STK31: variants seen among roughly 807,000 people sequenced by gnomAD.
The protein encoded by STK31 is serine/threonine kinase 31.
In STK31, 89 loss-of-function variants were observed where a neutral mutation model predicts 129.7. The observed-to-expected ratio is 0.69, with a 90% confidence interval of 0.58 to 0.82. The LOEUF is 0.82. Among genes scored for constraint, STK31 ranks in the 40% least tolerant of loss-of-function variants. STK31 has a pLI of 0.00. For missense variants in STK31, 1,187 were observed against 1,176.4 expected (o/e 1.01, Z -0.13); for synonymous variants, 448 against 395.3 (o/e 1.13, Z -1.58).
At chr7:23,819,035 A>G (rs1167187553) in intron 23 of STK31, among the ~76,000 whole-genome samples, 1 of 152,146 alleles carries the variant, frequency 6.6e-6, no homozygotes, top group African/African-American at 2.4e-5. Context: ...TTTTTATTGG[A>G]TTAATATAAA....
chr7:23,717,479 A>C lies in STK31; in HGVS notation c.151-2A>C. The C allele has an allele frequency of 1.3e-6, 2 of 1,592,260 alleles. No homozygotes were observed. The highest frequency in any genetic ancestry group is 2.2e-5 in the South Asian group (2 of 90,030). On this transcript the variant is annotated splice_acceptor_variant, in intron 3 of 23. Transcript: ENST00000355870. LOFTEE classifies it high-confidence loss of function. ...ATCTTATACTATATCTAATCTTTCT[A>C]GAGTATCAATAGAAATAAGGATATC...
chr7:23,797,011 G>C (rs10226714), intron 22 of STK31, among the ~76,000 whole-genome samples: 77,619 of 151,472 alleles, frequency 0.51, 20,116 homozygotes, highest in East Asian at 0.62. Flanking sequence ...TCAAGAAAGT[G>C]TAAGAAGGGC....
intron 22 of STK31, chr7:23,791,381 C>A: frequency 2.5e-6 from 2 of 792,470 alleles, no homozygotes; most frequent in Non-Finnish European, 3.1e-6. Context: ...ATCAGAAAGC[C>A]AAATACTGCA....
intron 8 of STK31, 121 bp downstream of exon 8, chr7:23,737,199 C>T (rs1787771276): frequency 1.1e-6 from 1 of 896,350 alleles, no homozygotes; most frequent in African/African-American, 1.7e-5. Flanking sequence ...TTTGCTAATC[C>T]CTGTATTTGT....
Position 23,752,796 on chromosome 7 carries a change from A to G in STK31, c.1097A>G (p.Asn366Ser). The change falls in exon 9 of 24, where the codon AAT becomes AGT. Residue 366 changes from asparagine to serine, a missense_variant. Physicochemically the swap from Asn to Ser is conservative, Grantham distance 46. Around this residue, in one of 5 missense-constraint regions of STK31, gnomAD observed 975 missense variants for 934.9 expected, o/e 1.04. Coordinates refer to ENST00000355870, the MANE Select transcript of STK31 (RefSeq NM_031414.5). ...ACCTATATAGATACCAGAATGAAAA[A>G]TCTGGCAGCTAAGATGGAAATACTG... The part of the protein sequence containing the change: ...LKTYIDTRMK[N>S]LAAKMEILKE... The G allele has an allele frequency of 6.2e-7, 1 of 1,613,182 alleles. No individual in the cohort carries two copies.
upstream of STK31, chr7:23,710,135 C>T (rs1785831042): frequency 3.6e-6 from 5 of 1,373,026 alleles, no homozygotes; most frequent in African/African-American, 5.7e-5. Flanking sequence ...TCTTCCTAGG[C>T]GGCAGGCCGT....
chr7:23,823,894 G>T (rs539858325), intron 23 of STK31, among the ~76,000 whole-genome samples: 1 of 152,266 alleles, frequency 6.6e-6, no homozygotes, highest in South Asian at 2.1e-4. Flanking sequence ...GTTTGTCAAA[G>T]ATCAGGTAGT....
In STK31 at chr7:23,822,529, G is replaced by A. The variant is rs10215061; in HGVS notation, c.2829+7317G>A. 6.7e-3 allele frequency among the ~76,000 whole-genome samples: 1,027 copies of A among 152,218 alleles called. 9 individuals carry two copies. The highest frequency in any genetic ancestry group is 0.02 in the Middle Eastern group (6 of 294). The stretch of plus-strand genomic sequence containing the variant: ...ATTAATCAGATCTAAAAGCTTTTTG[G>A]TGGAGTCTTTAGGTTTTTCTAGATA... On this transcript the variant is annotated intron_variant, in intron 23 of 23. Coordinates refer to ENST00000355870, the MANE Select transcript of STK31 (RefSeq NM_031414.5).
At chr7:23,811,848 C>T (rs1793154910) in intron 22 of STK31, among the ~76,000 whole-genome samples, 1 of 152,178 alleles carries the variant, frequency 6.6e-6, no homozygotes, top group Non-Finnish European at 1.5e-5. Context: ...GTCAGCATTT[C>T]ACCATTTTGA....
rs367863716 is a variant in STK31 at position 23,785,455 on chromosome 7, C to G, written c.2149-23C>G. 10 of 1,608,364 alleles carry G rather than the reference C, an allele frequency of 6.2e-6. No homozygotes were observed. In the African/African-American group the frequency reaches 1.1e-4, roughly 17 times the overall value. On this transcript the variant is annotated intron_variant, in intron 17 of 23. Transcript: ENST00000355870. ...TGCTGGGATTGTTTGGATTCTTTAA[C>G]TGTGATAAAAACTTGTGCCTAGAAC...
Position 23,712,044 on chromosome 7 carries a change from CTTCA to C in STK31, c.51-48_51-45del, listed in dbSNP as rs775147907. The C allele has an allele frequency of 6.1e-4, 862 of 1,422,032 alleles. 6 individuals carry two copies. In the South Asian group the frequency reaches 9.2e-3, roughly 15 times the overall value. The allele number at this position is 1,422,032 out of a possible 1,614,324, so 88.1% of individuals were successfully genotyped here. Reference sequence around the variant, plus strand: ...AGAATTGAACATGATGTAGTTTAGTCTTCATTCATTATTAATGGTGGATTATTGT... The same window carrying C: ...AGAATTGAACATGATGTAGTTTAGTCTTCATTATTAATGGTGGATTATTGT... On this transcript the variant is annotated intron_variant, in intron 1 of 23. Transcript: ENST00000355870.
chr7:23,820,798 T>A (rs1478827748), intron 23 of STK31, among the ~76,000 whole-genome samples: 2 of 152,258 alleles, frequency 1.3e-5, no homozygotes, highest in East Asian at 3.8e-4. Flanking sequence ...GCCTGGCTTA[T>A]TTCACTTTAC....
chr7:23,754,865 T>C (rs943600297), intron 10 of STK31, among the ~76,000 whole-genome samples: 2 of 152,252 alleles, frequency 1.3e-5, no homozygotes, highest in Admixed American at 1.3e-4. Context: ...TTCCATGGTG[T>C]ATATGTACCA....
At chr7:23,755,128 T>C (rs535213801) in intron 10 of STK31, 1 of 152,322 alleles carries the variant, frequency 6.6e-6, no homozygotes, top group African/African-American at 2.4e-5. Context: ...ACTGTGAAAG[T>C]GTTCCTGTTT....
At chr7:23,831,181 A>T (rs74691659) in intron 23 of STK31, among the ~76,000 whole-genome samples, 20,747 of 152,018 alleles carry the variant, frequency 0.14, 1,416 homozygotes, top group East Asian at 0.22. Context: ...CAGTTTTTTT[A>T]AAATTAATTT....
rs1438478153 is a variant in STK31 at position 23,771,017 on chromosome 7, G to T, written c.1726G>T (p.Ala576Ser). 1 of 1,610,266 alleles carries T rather than the reference G, an allele frequency of 6.2e-7. No individual in the cohort carries two copies. The highest frequency in any genetic ancestry group is 8.5e-7 in the Non-Finnish European group (1 of 1,178,428). Residue 576 changes from alanine to serine, a missense_variant, in exon 14 of 24, where the codon GCA becomes TCA. Transcript: ENST00000355870. ...TGATTTCATTTAGGATCAAGGTGAT[G>T]CAGACAAGGAGATAATTTCAAATAC... ...LEIALVDQGD[A>S]DKEIISNTYS...
chr7:23,772,235 C>G lies in STK31; in HGVS notation c.1922C>G (p.Ala641Gly), dbSNP rs547905988. The G allele has an allele frequency of 6.8e-6, 11 of 1,608,938 alleles. No individual in the cohort carries two copies. The Admixed American group carries it at 1.9e-4, about 27-fold the overall frequency. Residue 641 changes from alanine (A) to glycine (G), a missense_variant, in exon 15 of 24, where the codon GCT becomes GGT. Ala to Gly is a moderately conservative substitution (Grantham distance 60). Around this residue, in one of 5 missense-constraint regions of STK31, gnomAD observed 975 missense variants for 934.9 expected, o/e 1.04. Coordinates refer to ENST00000355870, the MANE Select transcript of STK31 (RefSeq NM_031414.5). ...AAGAAGACATTGAAAAGCTTAAAAG[C>G]TCTACTCAGATGGAAATTGGTTGAA... ...SIKKTLKSLK[A>G]LLRWKLVEKS...
intron 6 of STK31, among the ~76,000 whole-genome samples, chr7:23,734,658 A>G (rs184847704): frequency 1.3e-5 from 2 of 152,104 alleles, no homozygotes; most frequent in African/African-American, 4.8e-5. Context: ...GCAAAAGTCT[A>G]TTTAAGAGAG....
intron 22 of STK31, among the ~76,000 whole-genome samples, chr7:23,810,453 TC>T (rs1648158150): frequency 7.1e-6 from 1 of 140,980 alleles, no homozygotes. Flanking sequence ...TTTGTTTGTT[TC>T]TTGTTTCTTT....
Sources: allele counts gnomAD v4.1 joint callset (sites outside exome capture counted in the v4.1 genomes callset), GRCh38; gene constraint gnomAD v4.1.1; regional missense constraint gnomAD v4.1.1; transcripts MANE v1.5; gene names NCBI Gene and HGNC (gene_info 2026-07-23, HGNC 2026-07-21).